CDKN2B-AS1: variants seen among roughly 807,000 people sequenced by gnomAD.
CDKN2B-AS1 encodes the protein CDKN2B antisense RNA 1 (non-protein coding).
At chr9:22,018,956 G>A (rs940766145) in intron 1 of CDKN2B-AS1, among the ~76,000 whole-genome samples, 3 of 152,170 alleles carry the variant, frequency 2.0e-5, no homozygotes, top group Non-Finnish European at 4.4e-5. Context: ...AGGGAATCAA[G>A]AGATATTTGA....
chr9:22,009,327 T>C, intron 1 of CDKN2B-AS1: 1 of 404,676 alleles, frequency 2.5e-6, no homozygotes, highest in Non-Finnish European at 4.5e-6. Flanking sequence ...CGGCAAAGAA[T>C]TCCGTTTTCA....
intron 4 of CDKN2B-AS1, among the ~76,000 whole-genome samples, chr9:22,085,462 G>A (rs778094756): frequency 3.9e-5 from 6 of 152,164 alleles, no homozygotes; most frequent in Non-Finnish European, 5.9e-5. Context: ...GCTCACGCCT[G>A]TAATTCCCAG....
chr9:22,021,642 G>C (rs540818058), intron 1 of CDKN2B-AS1, among the ~76,000 whole-genome samples: 2 of 151,234 alleles, frequency 1.3e-5, no homozygotes, highest in African/African-American at 4.8e-5. Context: ...ATTTTTTTTT[G>C]TATCCTGAGA....
chr9:22,004,629 A>C (rs1821077590), intron 1 of CDKN2B-AS1: 1 of 232,488 alleles, frequency 4.3e-6, no homozygotes, highest in African/African-American at 2.2e-5. Flanking sequence ...TATAATGATC[A>C]AGCAACCCTG....
chr9:22,124,032 A>T (rs1826142190), intron 4 of CDKN2B-AS1, among the ~76,000 whole-genome samples: 1 of 152,246 alleles, frequency 6.6e-6, no homozygotes, highest in African/African-American at 2.4e-5. Flanking sequence ...TATCATATGC[A>T]TAGACAAATA....
chr9:22,111,594 T>C (rs1825806495), intron 4 of CDKN2B-AS1, among the ~76,000 whole-genome samples: 1 of 152,190 alleles, frequency 6.6e-6, no homozygotes, highest in African/African-American at 2.4e-5. Flanking sequence ...ATATGTGACA[T>C]TTTTCCTTTA....
chr9:22,073,018 A>G (rs2131318092), intron 4 of CDKN2B-AS1, among the ~76,000 whole-genome samples: 1 of 152,326 alleles, frequency 6.6e-6, no homozygotes, highest in Non-Finnish European at 1.5e-5. Context: ...TTGAAAGTTA[A>G]TATTACAGAC....
intron 3 of CDKN2B-AS1, among the ~76,000 whole-genome samples, chr9:22,050,939 C>T (rs751974347): frequency 2.4e-4 from 36 of 152,154 alleles, no homozygotes; most frequent in African/African-American, 8.0e-4. Flanking sequence ...TTTGAAAAAA[C>T]GGCTACCGTT....
chr9:22,008,679 G>A lies in CDKN2B-AS1; in HGVS notation n.29+13518G>A, dbSNP rs200344272. On this transcript the variant is annotated intron_variant and non_coding_transcript_variant, in intron 1 of 4. Transcript: ENST00000650946. ...TTTTACGCGTGGAATGCACACCTCC[G>A]GCCAACGGAGACTCCTGTACAAATC... The A allele has an allele frequency of 2.4e-4, 384 of 1,608,986 alleles. 4 individuals carry two copies. In the South Asian group the frequency reaches 3.9e-3, roughly 16 times the overall value.
chr9:22,053,742 T>C (rs914211085), intron 3 of CDKN2B-AS1, among the ~76,000 whole-genome samples: 7 of 152,232 alleles, frequency 4.6e-5, no homozygotes, highest in Admixed American at 1.3e-4. Flanking sequence ...TATACTACTA[T>C]GGTGCATACA....
At chr9:22,123,988 T>A (rs1215297494) in intron 4 of CDKN2B-AS1, among the ~76,000 whole-genome samples, 4 of 152,130 alleles carry the variant, frequency 2.6e-5, no homozygotes, top group African/African-American at 7.2e-5. Context: ...CAATAAATAT[T>A]GTATTAGTTC....
At chr9:22,027,177 C>CA (rs35868692) in intron 1 of CDKN2B-AS1, among the ~76,000 whole-genome samples, 4,414 of 141,812 alleles carry the variant, frequency 0.031, 98 homozygotes, top group African/African-American at 0.058. Flanking sequence ...ACCTTTCTAG[C>CA]AAAAAAAAAA....
At chr9:22,117,624 T>TC (rs964312437) in intron 4 of CDKN2B-AS1, 2 of 152,242 alleles carry the variant, frequency 1.3e-5, no homozygotes, top group South Asian at 2.1e-4. Flanking sequence ...ACTCTTGCTA[T>TC]CCCCTGCTGA....
At chr9:22,052,878 C>G (rs915654934) in intron 3 of CDKN2B-AS1, among the ~76,000 whole-genome samples, 25 of 152,216 alleles carry the variant, frequency 1.6e-4, no homozygotes, top group African/African-American at 5.8e-4. Flanking sequence ...CCCATGCTGT[C>G]ATTTTTTCTC....
chr9:22,006,215 C>G lies in CDKN2B-AS1; in HGVS notation n.29+11054C>G, dbSNP rs771488156. 1.2e-6 allele frequency: 2 copies of G among 1,607,810 alleles called. No individual in the cohort carries two copies. The highest frequency in any genetic ancestry group is 1.1e-5 in the South Asian group (1 of 91,064). Reference sequence around the variant, plus strand: ...GCTCCGCGCCGTGGAGCAGCAGCAGCTCCGCCACGCGGGCGCTGCCCATCA... The same window carrying G: ...GCTCCGCGCCGTGGAGCAGCAGCAGGTCCGCCACGCGGGCGCTGCCCATCA... On this transcript the variant is annotated intron_variant and non_coding_transcript_variant, in intron 1 of 4. Transcript: ENST00000650946. The surrounding 1 kb of genome is among the most constrained non-coding windows in gnomAD (Gnocchi z 6.4).
At chr9:22,089,531 A>C (rs772108169) in intron 4 of CDKN2B-AS1, among the ~76,000 whole-genome samples, 13 of 152,162 alleles carry the variant, frequency 8.5e-5, no homozygotes, top group Admixed American at 2.6e-4. Context: ...CCCAGATTCA[A>C]GTGATCTTCC....
At chr9:22,091,836 G>C (rs557360487) in intron 4 of CDKN2B-AS1, among the ~76,000 whole-genome samples, 7 of 152,162 alleles carry the variant, frequency 4.6e-5, no homozygotes, top group South Asian at 2.1e-4. Context: ...CCTGATTGCC[G>C]TGGCCAGAAC....
intron 3 of CDKN2B-AS1, among the ~76,000 whole-genome samples, chr9:22,055,869 A>G (rs1268247550): frequency 6.6e-6 from 1 of 152,110 alleles, no homozygotes; most frequent in Non-Finnish European, 1.5e-5. Context: ...ATATTGGCAT[A>G]TAGGGAGGAT....
chr9:22,083,898 G>C (rs1252746527), intron 4 of CDKN2B-AS1, among the ~76,000 whole-genome samples: 1 of 152,064 alleles, frequency 6.6e-6, no homozygotes, highest in East Asian at 1.9e-4. Flanking sequence ...TGGTGATGGC[G>C]CTATATATTA....
Sources: gnomAD v4.1 joint callset for allele counts (sites outside exome capture counted in the v4.1 genomes callset) on GRCh38, gnomAD v4.1.1 for gene constraint, Gnocchi (gnomAD v3.1) non-coding constraint, MANE v1.5 for transcripts, NCBI Gene and HGNC (gene_info 2026-07-23, HGNC 2026-07-21) for gene names.